ADGRG1: variants seen among roughly 807,000 people sequenced by gnomAD.
The protein encoded by ADGRG1 is adhesion G protein-coupled receptor G1.
ADGRG1 carries 53 observed loss-of-function variants against 73.5 expected under a neutral mutation model. That is an observed-to-expected ratio of 0.72 (90% CI 0.58 to 0.91). ADGRG1 has a LOEUF of 0.91. ADGRG1 is among the 40% of genes least tolerant of loss of function. ADGRG1 has a pLI of 0.00. For missense variants in ADGRG1, 795 were observed against 871.8 expected, an observed-to-expected ratio of 0.91 and a Z score of 1.11; for synonymous variants, 394 against 374.4, an observed-to-expected ratio of 1.05 and a Z score of -0.60.
intron 1 of ADGRG1, chr16:57,647,179 C>T (rs2042875683): frequency 6.1e-6 from 6 of 985,336 alleles, no homozygotes; most frequent in Non-Finnish European, 7.2e-6. Context: ...TCCCCCTGCC[C>T]AATCTGTGTG....
At chr16:57,659,375 T>G in intron 10 of ADGRG1, 38 bp from the exon 11 acceptor site, 1 of 1,612,728 alleles carries the variant, frequency 6.2e-7, no homozygotes, top group Non-Finnish European at 8.5e-7. Flanking sequence ...CCTCTCTACC[T>G]TCCCACACTG....
chr16:57,661,724 C>G lies in ADGRG1; in HGVS notation c.1692C>G (p.Ser564Arg), dbSNP rs758315703. ...SMCWIRDSLV[S>R]YITNLGLFSL... The stretch of plus-strand genomic sequence containing the variant: ...GCTGGATCCGGGACTCCCTGGTCAG[C>G]TACATCACCAACCTGGGCCTCTTCA... The change falls in exon 13 of 14, where the codon AGC (serine) becomes AGG (arginine). Residue 564 changes from serine to arginine, a missense_variant. Physicochemically the swap from Ser to Arg is moderately radical, Grantham distance 110 (BLOSUM62 -1). Transcript: ENST00000562631. 1.2e-6 allele frequency: 2 copies of G among 1,613,924 alleles called. No homozygotes were observed. Among genetic ancestry groups the G allele is most frequent in the Admixed American group, 3.3e-5 (2 of 59,998 alleles).
intron 10 of ADGRG1, chr16:57,658,878 A>AAAGT: frequency 1.3e-6 from 1 of 796,730 alleles, no homozygotes; most frequent in Non-Finnish European, 1.5e-6. Context: ...GCAGGGTGGG[A>AAAGT]CTCCAGGATG....
At chr16:57,630,224 C>CA (rs1188974326) in intron 1 of ADGRG1, 2 of 443,900 alleles carry the variant, frequency 4.5e-6, no homozygotes, top group Admixed American at 6.4e-5. Context: ...TCCTTGGGGT[C>CA]AGAGACTGTG....
At chr16:57,632,458 G>A (rs191949836) in intron 1 of ADGRG1, 1 of 423,320 alleles carries the variant, frequency 2.4e-6, no homozygotes, top group Non-Finnish European at 3.2e-6. Context: ...AAAGCATATG[G>A]GAAAGTGCCT....
intron 7 of ADGRG1, 60 bp downstream of exon 7, chr16:57,656,052 T>C: frequency 6.2e-7 from 1 of 1,613,438 alleles, no homozygotes. Context: ...CCCTTTCCTC[T>C]CCCTCCCTCC....
At chr16:57,647,185 G>A in intron 1 of ADGRG1, 3 of 985,398 alleles carry the variant, frequency 3.0e-6, no homozygotes, top group Non-Finnish European at 3.6e-6. Context: ...TGCCCAATCT[G>A]TGTGGCAACT....
chr16:57,646,369 G>C, intron 1 of ADGRG1: 1 of 984,812 alleles, frequency 1.0e-6, no homozygotes, highest in South Asian at 4.7e-5. Context: ...CTGGTGGTGG[G>C]GTGGGGGTCT....
intron 1 of ADGRG1, chr16:57,636,454 T>C: frequency 1.0e-6 from 1 of 985,260 alleles, no homozygotes; most frequent in Non-Finnish European, 1.2e-6. Flanking sequence ...TGCACAGTCT[T>C]GGGAACCGTT....
At chr16:57,632,692 C>T (rs943850898) in intron 1 of ADGRG1, 5 of 786,054 alleles carry the variant, frequency 6.4e-6, no homozygotes, top group African/African-American at 3.8e-5. Flanking sequence ...GTCGGGCTCC[C>T]GAGCTGGCGC....
intron 1 of ADGRG1, chr16:57,639,398 C>G: frequency 1.0e-6 from 1 of 985,418 alleles, no homozygotes; most frequent in African/African-American, 1.7e-5. Flanking sequence ...GCAACGGTTG[C>G]CAGGGGCTGC....
upstream of ADGRG1, chr16:57,628,473 C>T (rs1167506127): frequency 1.3e-5 from 13 of 973,606 alleles, no homozygotes; most frequent in Admixed American, 2.5e-4. Context: ...ACTGCCTCAG[C>T]GCTCTCAGCC....
chr16:57,630,870 G>A (rs932936432), intron 1 of ADGRG1: 14 of 798,138 alleles, frequency 1.8e-5, no homozygotes, highest in Non-Finnish European at 1.8e-5. Flanking sequence ...TTTGGGGAAC[G>A]ATACAAGCTG....
intron 1 of ADGRG1, chr16:57,631,041 C>T: frequency 1.0e-6 from 1 of 985,766 alleles, no homozygotes; most frequent in Non-Finnish European, 1.2e-6. Flanking sequence ...GCTGCAAACC[C>T]AGCAGGACGG....
At chr16:57,644,704 GCA>G (rs1168853096) in intron 1 of ADGRG1, among the ~76,000 whole-genome samples, 4 of 54,446 alleles carry the variant, frequency 7.3e-5, no homozygotes, top group East Asian at 7.7e-4. Flanking sequence ...ACATGCACGG[GCA>G]CACACTGATC....
At chr16:57,630,496 G>C in intron 1 of ADGRG1, 1 of 985,666 alleles carries the variant, frequency 1.0e-6, no homozygotes, top group East Asian at 1.1e-4. Flanking sequence ...GGTGATCACA[G>C]CTGCCCTGGC....
At position 57,632,804 on chromosome 16, in the gene ADGRG1, G is replaced by T. The variant is rs376445244; in HGVS notation, c.-36+4002G>T. The T allele has an allele frequency of 1.5e-5, 15 of 985,474 alleles. No homozygotes were observed. The Admixed American group carries it at 3.7e-4, about 24-fold the overall frequency. The allele number at this position is 985,474 out of a possible 1,614,324, so 61.0% of individuals were successfully genotyped here. On this transcript the variant is annotated intron_variant, in intron 1 of 13. Coordinates refer to ENST00000562631, the MANE Select transcript of ADGRG1 (RefSeq NM_201525.4). ...CATGCTTCCGGGCACCGGTGGACAGGCCTCTCTGCATTAGTGGGAGATGGC... is the reference window on the plus strand; with the variant it reads ...CATGCTTCCGGGCACCGGTGGACAGTCCTCTCTGCATTAGTGGGAGATGGC...
intron 1 of ADGRG1, chr16:57,631,782 C>A (rs986820705): frequency 5.1e-6 from 5 of 985,502 alleles, no homozygotes; most frequent in Non-Finnish European, 6.0e-6. Flanking sequence ...TCTCCTGAGC[C>A]GTCACTTGGC....
At chr16:57,656,203 A>G (rs1318118806) in intron 7 of ADGRG1, 23 bp from the exon 8 acceptor site, 2 of 1,611,934 alleles carry the variant, frequency 1.2e-6, no homozygotes, top group East Asian at 4.5e-5. Flanking sequence ...CACAGAAACC[A>G]CTCTCCTTTC....
Sources: allele counts gnomAD v4.1 joint callset (sites outside exome capture counted in the v4.1 genomes callset), GRCh38; gene constraint gnomAD v4.1.1; transcripts MANE v1.5; gene names NCBI Gene and HGNC (gene_info 2026-07-23, HGNC 2026-07-21).